GOLGA8A: variants seen among roughly 807,000 people sequenced by gnomAD.
GOLGA8A encodes golgin subfamily A member 8A.
In GOLGA8A, 3 loss-of-function variants were observed where a neutral mutation model predicts 22.1. That is an observed-to-expected ratio of 0.14 (90% CI 0.06 to 0.35). GOLGA8A has a LOEUF of 0.35. Among genes scored for constraint, GOLGA8A ranks in the 10% least tolerant of loss-of-function variants. The pLI is 1.00. For synonymous variants in GOLGA8A, 7 were observed against 91.7 expected (o/e 0.08, Z 5.28); for missense variants, 16 against 233.2 (o/e 0.07, Z 6.07).
At chr15:34,416,829 A>AAATAAAT (rs1224241854) in intron 2 of GOLGA8A, 7 of 79,034 alleles carry the variant, frequency 8.9e-5, no homozygotes, top group Non-Finnish European at 1.3e-4. Context: ...AATAAATAAA[A>AAATAAAT]AAGAAGTTTG....
chr15:34,410,074 TG>T (rs1892369484), intron 2 of GOLGA8A: 2 of 318,092 alleles, frequency 6.3e-6, no homozygotes, highest in South Asian at 2.7e-5. Context: ...CTGGACGGCC[TG>T]GGCGGGCCTG....
chr15:34,431,312 CATATATAT>C lies in GOLGA8A; in HGVS notation c.-1123+4063_-1123+4070del, dbSNP rs1157766795. Among the ~76,000 whole-genome samples, 422 of 45,726 alleles carry C rather than the reference CATATATAT, an allele frequency of 9.2e-3. 17 individuals carry two copies. The highest frequency in any genetic ancestry group is 0.039 in the Middle Eastern group (4 of 102). The allele number at this position is 45,726 out of a possible 152,430, so 30.0% of individuals were successfully genotyped here. A position where few individuals can be genotyped will look rare whatever the true frequency, so the allele number is the denominator to read the frequency against. On this transcript the variant is annotated intron_variant, in intron 2 of 24. Transcript: ENST00000359187. ...AAAATTATATATATATATATATATA[CATATATAT>C]ATATATATATATATATATATATATA...
rs3175608 is a variant in GOLGA8A at position 34,380,878 on chromosome 15, A to C, written c.*533T>G. 2 of 202,158 alleles carry C rather than the reference A, an allele frequency of 9.9e-6. No homozygotes were observed. 12.5% of individuals were successfully genotyped at this position (202,158 alleles called of 1,614,324 possible). On this transcript the variant is annotated 3_prime_UTR_variant, in exon 25 of 25. Transcript: ENST00000359187. ...GTTCTCGGCCTTTAAACAGCTCTAA[A>C]TGTCAGTACTCACAGTGGCATATTA...
intron 2 of GOLGA8A, among the ~76,000 whole-genome samples, chr15:34,425,169 G>A (rs919597307): frequency 2.1e-5 from 3 of 145,982 alleles, no homozygotes; most frequent in Non-Finnish European, 4.5e-5. Context: ...AAAAAGAAGA[G>A]GAATGAAGAG....
intron 2 of GOLGA8A, among the ~76,000 whole-genome samples, chr15:34,434,594 C>T (rs577091048): frequency 6.7e-6 from 1 of 148,350 alleles, no homozygotes; most frequent in Non-Finnish European, 1.5e-5. Flanking sequence ...AGGCGGTGGG[C>T]AGCAGGGGGG....
At chr15:34,422,708 C>CG (rs1335210503) in intron 2 of GOLGA8A, among the ~76,000 whole-genome samples, 2 of 89,776 alleles carry the variant, frequency 2.2e-5, no homozygotes, top group Non-Finnish European at 5.6e-5. Context: ...CGCGCTCGTG[C>CG]GCTTGTGCGC....
intron 12 of GOLGA8A, among the ~76,000 whole-genome samples, chr15:34,386,082 T>G: frequency 6.8e-6 from 1 of 146,866 alleles, no homozygotes; most frequent in Non-Finnish European, 1.5e-5. Flanking sequence ...AAAAGTGTGT[T>G]CATTCAATAG....
At chr15:34,427,035 A>C (rs745523257) in intron 2 of GOLGA8A, among the ~76,000 whole-genome samples, 14 of 147,722 alleles carry the variant, frequency 9.5e-5, no homozygotes, top group Non-Finnish European at 2.1e-4. Flanking sequence ...AGCACTTTAA[A>C]ATTCACCAGA....
At chr15:34,431,028 T>G (rs74431716) in intron 2 of GOLGA8A, among the ~76,000 whole-genome samples, 2 of 136,954 alleles carry the variant, frequency 1.5e-5, no homozygotes, top group African/African-American at 5.2e-5. Flanking sequence ...GTTTTAATTG[T>G]ACAATGCACA....
chr15:34,425,071 A>C (rs577971502), intron 2 of GOLGA8A, among the ~76,000 whole-genome samples: 1 of 146,562 alleles, frequency 6.8e-6, no homozygotes, highest in African/African-American at 2.5e-5. Context: ...TGGGTGACAA[A>C]GTAAGACAGT....
At chr15:34,386,260 C>T (rs1480950729) in intron 12 of GOLGA8A, among the ~76,000 whole-genome samples, 2 of 140,774 alleles carry the variant, frequency 1.4e-5, no homozygotes, top group African/African-American at 5.6e-5. Context: ...CCTCTGGAAA[C>T]ACGAGCCCAA....
chr15:34,380,282 C>G lies in GOLGA8A; in HGVS notation c.*1129G>C, dbSNP rs1891417008. 1 of 152,158 alleles carries G rather than the reference C, an allele frequency of 6.6e-6. No individual in the cohort carries two copies. Among genetic ancestry groups the G allele is most frequent in the South Asian group, 2.1e-4 (1 of 4,826 alleles). The allele number at this position is 152,158 out of a possible 1,614,324, so 9.4% of individuals were successfully genotyped here. A position where few individuals can be genotyped will look rare whatever the true frequency, so the allele number is the denominator to read the frequency against. On this transcript the variant is annotated 3_prime_UTR_variant, in exon 25 of 25. Transcript: ENST00000359187. Reference sequence around the variant, plus strand: ...AATCAAACTTCAAGCCTCAAAGAAGCTCCATGAACAGAGAGGAATGCCAGG... The same window carrying G: ...AATCAAACTTCAAGCCTCAAAGAAGGTCCATGAACAGAGAGGAATGCCAGG...
At chr15:34,425,616 T>C (rs200739546) in intron 2 of GOLGA8A, among the ~76,000 whole-genome samples, 8,005 of 139,156 alleles carry the variant, frequency 0.058, 449 homozygotes, top group South Asian at 0.15. Context: ...TCCAAATTTT[T>C]ACATTGCCAG....
rs1893597537 is a variant in GOLGA8A, at chr15:34,437,471, TCGC to T, written c.-1288_-1286del. 3 of 80,898 alleles carry T rather than the reference TCGC, an allele frequency of 3.7e-5. No individual in the cohort carries two copies. The Admixed American group carries it at 3.9e-4, about 10-fold the overall frequency. 5.0% of individuals were successfully genotyped at this position (80,898 alleles called of 1,614,324 possible). A position where few individuals can be genotyped will look rare whatever the true frequency, so the allele number is the denominator to read the frequency against. On this transcript the variant is annotated 5_prime_UTR_variant, in exon 1 of 25. Coordinates refer to ENST00000359187, the MANE Select transcript of GOLGA8A (RefSeq NM_181077.5). ...CGCCGTCCTCGCCGCGCCGCCGTCC[TCGC>T]CGCGCCGCCGTCCTCGCCGCGCCGC... is the stretch of plus-strand genomic sequence containing the variant.
intron 2 of GOLGA8A, among the ~76,000 whole-genome samples, chr15:34,432,186 C>T (rs1442698421): frequency 1.3e-5 from 2 of 149,228 alleles, no homozygotes; most frequent in Admixed American, 1.4e-4. Context: ...GGCTAGCTCC[C>T]AGACCCTTTT....
intron 2 of GOLGA8A, among the ~76,000 whole-genome samples, chr15:34,432,795 GAGTTTA>G (rs1893315641): frequency 6.7e-6 from 1 of 148,884 alleles, no homozygotes; most frequent in Non-Finnish European, 1.5e-5. Context: ...CAGCCCTTTA[GAGTTTA>G]GAGTTTATGA....
At chr15:34,425,205 T>A (rs531130878) in intron 2 of GOLGA8A, among the ~76,000 whole-genome samples, 2 of 146,890 alleles carry the variant, frequency 1.4e-5, no homozygotes, top group Non-Finnish European at 1.5e-5. Flanking sequence ...GATAACTAAG[T>A]CTTACCAAAA....
rs1304466616 is a variant in GOLGA8A, at chr15:34,381,912, ACCCCACCCACAC to A, written c.1453+44_1453+55del. 186 of 438,946 alleles carry A rather than the reference ACCCCACCCACAC, an allele frequency of 4.2e-4. 2 individuals are homozygous for A. Among genetic ancestry groups the A allele is most frequent in the South Asian group, 1.3e-3 (59 of 44,746 alleles). 27.2% of individuals were successfully genotyped at this position (438,946 alleles called of 1,614,324 possible). A position where few individuals can be genotyped will look rare whatever the true frequency, so the allele number is the denominator to read the frequency against. On this transcript the variant is annotated intron_variant, in intron 23 of 24. Coordinates refer to ENST00000359187, the MANE Select transcript of GOLGA8A (RefSeq NM_181077.5). ...GCTGCTGGCGCCCACCCTCATGCCC[ACCCCACCCACAC>A]CCCCACCCCACCCCCACCCCCACAG...
intron 2 of GOLGA8A, chr15:34,416,326 T>C (rs1347425231): frequency 6.8e-6 from 1 of 147,804 alleles, no homozygotes; most frequent in African/African-American, 2.5e-5. Flanking sequence ...GCTATTTTGA[T>C]ACTCTTTTGT....
Sources: allele counts gnomAD v4.1 joint callset (sites outside exome capture counted in the v4.1 genomes callset), GRCh38; gene constraint gnomAD v4.1.1; transcripts MANE v1.5; gene names NCBI Gene and HGNC (gene_info 2026-07-23, HGNC 2026-07-21).